The following AHRR variants were observed in gnomAD, a reference collection of about 807,000 sequenced individuals.
AHRR encodes the protein ahR repressor.
A neutral mutation model predicts 44.0 loss-of-function variants in AHRR; 28 were observed. That is an observed-to-expected ratio of 0.64 (90% CI 0.47 to 0.87). AHRR has a LOEUF of 0.87. Ranked by LOEUF, AHRR falls within the 40% of genes least tolerant of loss-of-function variation. AHRR has a pLI of 0.00. For synonymous variants in AHRR, 434 were observed against 407.0 expected (o/e 1.07, Z -0.80); for missense variants, 990 against 953.9 (o/e 1.04, Z -0.50).
chr5:359,265 GC>G (rs1743085370), intron 3 of AHRR, among the ~76,000 whole-genome samples: 1 of 26,636 alleles, frequency 3.8e-5, no homozygotes, highest in African/African-American at 1.1e-4. Context: ...AAGAGCGCCC[GC>G]GAGTGGAGGC....
chr5:430,199 T>C (rs1006573707), intron 8 of AHRR, among the ~76,000 whole-genome samples: 5 of 152,252 alleles, frequency 3.3e-5, no homozygotes, highest in Admixed American at 6.5e-5. Context: ...TTCAATTTCA[T>C]TTTTTAGATG....
intron 9 of AHRR, 26 bp from the exon 10 acceptor site, chr5:432,780 C>G (rs1290752574): frequency 6.2e-7 from 1 of 1,611,214 alleles, no homozygotes; most frequent in Admixed American, 1.7e-5. Context: ...ACCGTGACGG[C>G]TTCCCCCCCC....
chr5:427,881 G>A lies in AHRR; in HGVS notation c.783G>A (p.Pro261=), dbSNP rs781369657. Residue 261 remains proline (P), a synonymous_variant, in exon 8 of 11, where the codon CCG becomes CCA. Transcript: ENST00000684583. The stretch of plus-strand genomic sequence containing the variant: ...AGGCGCCGTCAGGAGCCATGCTCCC[G>A]CCGCGGCTGTCGCTGTTCTGCATTG... The part of the protein sequence containing the change: ...KKKAPSGAML[P]PRLSLFCIAA... 31 of 1,614,012 alleles carry A rather than the reference G, an allele frequency of 1.9e-5. No individual in the cohort carries two copies. The highest frequency in any genetic ancestry group is 5.3e-5 in the African/African-American group (4 of 74,948).
At chr5:359,485 G>T (rs891430982) in intron 3 of AHRR, among the ~76,000 whole-genome samples, 12 of 152,228 alleles carry the variant, frequency 7.9e-5, no homozygotes, top group African/African-American at 2.9e-4. Flanking sequence ...GGGCACAGAG[G>T]TGTGTGTTCT....
intron 4 of AHRR, among the ~76,000 whole-genome samples, chr5:401,359 G>A (rs1735006664): frequency 6.6e-6 from 1 of 152,238 alleles, no homozygotes; most frequent in Non-Finnish European, 1.5e-5. Context: ...CGATGCCACA[G>A]GTGCCGGCTC....
chr5:382,137 G>A (rs1175011862), intron 4 of AHRR, among the ~76,000 whole-genome samples: 1 of 152,152 alleles, frequency 6.6e-6, no homozygotes, highest in Non-Finnish European at 1.5e-5. Context: ...TAATGTTTTT[G>A]TTTGATTTTG....
intron 1 of AHRR, among the ~76,000 whole-genome samples, chr5:336,450 A>G (rs1269176172): frequency 1.3e-5 from 2 of 152,254 alleles, no homozygotes; most frequent in Middle Eastern, 3.4e-3. Flanking sequence ...CTTCTAGTCA[A>G]CCACCTTTTA....
In AHRR at chr5:370,635, T is replaced by G. The variant is rs1168500794; in HGVS notation, c.245-5975T>G. ...TGACAGGGGTGGGGTGGACAGCCCA[T>G]GGGAAGGTGTGGGTGATGGGGGGAC... On this transcript the variant is annotated intron_variant, in intron 3 of 10. Coordinates refer to ENST00000684583, the MANE Select transcript of AHRR (RefSeq NM_001377236.1). This position sits in a 1 kb window ranked among gnomAD's most constrained non-coding sequence, Gnocchi z 4.5. Among the ~76,000 whole-genome samples, 1 of 147,910 alleles carries G rather than the reference T, an allele frequency of 6.8e-6. No individual in the cohort carries two copies. Among genetic ancestry groups the G allele is most frequent in the Non-Finnish European group, 1.5e-5 (1 of 66,786 alleles).
Position 436,275 on chromosome 5 carries a change from GGGACCCACCA to G in AHRR, c.*1442_*1451del. ...GCGGGTGAGGGACCCACCACCCCTA[GGGACCCACCA>G]CCCCGCCGCACTGTGCATTCTGCCT... is the stretch of plus-strand genomic sequence containing the variant. On this transcript the variant is annotated 3_prime_UTR_variant, in exon 11 of 11. Coordinates refer to ENST00000684583, the MANE Select transcript of AHRR (RefSeq NM_001377236.1). 1.7e-5 allele frequency: 1 copy of G among 58,600 alleles called. No homozygotes were observed. Among genetic ancestry groups the G allele is most frequent in the South Asian group, 4.8e-4 (1 of 2,078 alleles). 3.6% of individuals were successfully genotyped at this position (58,600 alleles called of 1,614,324 possible).
chr5:347,089 A>G (rs1742705422), intron 2 of AHRR, among the ~76,000 whole-genome samples: 1 of 152,172 alleles, frequency 6.6e-6, no homozygotes, highest in South Asian at 2.1e-4. Context: ...CCTCCTCCCC[A>G]CGCCCCAGCA....
chr5:389,107 A>G (rs534536272), intron 4 of AHRR, among the ~76,000 whole-genome samples: 22 of 147,722 alleles, frequency 1.5e-4, no homozygotes, highest in African/African-American at 5.5e-4. Flanking sequence ...TGCGGCAGGG[A>G]CCAGCCGCCC....
chr5:380,100 C>A (rs888998684), intron 4 of AHRR, among the ~76,000 whole-genome samples: 1 of 152,144 alleles, frequency 6.6e-6, no homozygotes, highest in Non-Finnish European at 1.5e-5. Context: ...TCTTTTTATA[C>A]TGAATGGCGT....
At chr5:420,426 A>T (rs923110282) in intron 5 of AHRR, among the ~76,000 whole-genome samples, 3 of 152,130 alleles carry the variant, frequency 2.0e-5, no homozygotes, top group African/African-American at 7.2e-5. Context: ...GTGACCCCCC[A>T]CTGCTCACCA....
At chr5:416,247 A>C (rs111495441) in intron 5 of AHRR, among the ~76,000 whole-genome samples, 4,129 of 152,352 alleles carry the variant, frequency 0.027, 68 homozygotes, top group South Asian at 0.042. Context: ...AACGCAGTGC[A>C]GGGTGGAGAC....
rs1268377916 is a variant in AHRR at position 345,335 on chromosome 5, G to T, written c.62+1371G>T. On this transcript the variant is annotated intron_variant, in intron 2 of 10. Coordinates refer to ENST00000684583, the MANE Select transcript of AHRR (RefSeq NM_001377236.1). Reference sequence around the variant, plus strand: ...GGATGTGTGTGTGTGTGTGTGTGGGGATGTGTGTGTGTGTGTGTCGGATGA... The same window carrying T: ...GGATGTGTGTGTGTGTGTGTGTGGGTATGTGTGTGTGTGTGTGTCGGATGA... Among the ~76,000 whole-genome samples the T allele has an allele frequency of 4.0e-4, 4 of 10,092 alleles. 1 individual carries two copies. Among genetic ancestry groups the T allele is most frequent in the African/African-American group, 1.7e-3 (4 of 2,398 alleles). 6.6% of individuals were successfully genotyped at this position (10,092 alleles called of 152,430 possible).
chr5:428,893 G>A (rs1475908497), intron 8 of AHRR, among the ~76,000 whole-genome samples: 3 of 151,982 alleles, frequency 2.0e-5, no homozygotes, highest in Non-Finnish European at 2.9e-5. Context: ...TGAGAATCAT[G>A]CCCCAGCTGA....
rs118015739 is a variant in AHRR at position 399,324 on chromosome 5, C to T, written c.352-14020C>T. 3.8e-3 allele frequency among the ~76,000 whole-genome samples: 583 copies of T among 152,342 alleles called. 15 individuals are homozygous for T. The East Asian group carries it at 0.058, about 15-fold the overall frequency. ...CTGGAGGGAGATTCACTGTGGTAAC[C>T]GTCAGCTGCCTTTGTTTATGAGTTG... On this transcript the variant is annotated intron_variant, in intron 4 of 10. Transcript: ENST00000684583.
chr5:368,227 C>T lies in AHRR; in HGVS notation c.245-8383C>T, dbSNP rs376844401. ...TCAGTGAGGGCTCGGTGCCCTCTTC[C>T]GCAGTAGGAGAGGCCAGTGGGGCTG... On this transcript the variant is annotated intron_variant, in intron 3 of 10. Transcript: ENST00000684583. 1.2e-4 allele frequency among the ~76,000 whole-genome samples: 18 copies of T among 152,134 alleles called. No homozygotes were observed. In the South Asian group the frequency reaches 2.9e-3, roughly 25 times the overall value.
At chr5:377,638 A>C (rs1579641458) in intron 4 of AHRR, among the ~76,000 whole-genome samples, 1 of 152,322 alleles carries the variant, frequency 6.6e-6, no homozygotes, top group Middle Eastern at 3.4e-3. Flanking sequence ...GGGGCTGCTC[A>C]ACCCCCTGCC....
Sources: gnomAD v4.1 joint callset for allele counts (sites outside exome capture counted in the v4.1 genomes callset) on GRCh38, gnomAD v4.1.1 for gene constraint, Gnocchi (gnomAD v3.1) non-coding constraint, MANE v1.5 for transcripts, NCBI Gene and HGNC (gene_info 2026-07-23, HGNC 2026-07-21) for gene names.